ARHGAP15: variants seen among roughly 807,000 people sequenced by gnomAD.
The protein encoded by ARHGAP15 is rho GTPase-activating protein 15.
A neutral mutation model predicts 63.7 loss-of-function variants in ARHGAP15; 51 were observed. That is an observed-to-expected ratio of 0.80 (90% CI 0.64 to 1.01). ARHGAP15 has a LOEUF of 1.01. Ranked by LOEUF, ARHGAP15 falls within the 50% of genes least tolerant of loss-of-function variation. The pLI is 0.00. For missense variants in ARHGAP15, 560 were observed against 564.6 expected (o/e 0.99, Z 0.08); for synonymous variants, 191 against 193.8 (o/e 0.99, Z 0.12).
At chr2:143,718,975 G>A (rs965456025) in intron 13 of ARHGAP15, among the ~76,000 whole-genome samples, 5 of 152,142 alleles carry the variant, frequency 3.3e-5, no homozygotes, top group African/African-American at 1.2e-4. Flanking sequence ...ACTTCTAACA[G>A]GAATTTGTAA....
chr2:143,130,617 A>G (rs942871476), intron 1 of ARHGAP15, among the ~76,000 whole-genome samples: 1 of 152,116 alleles, frequency 6.6e-6, no homozygotes, highest in African/African-American at 2.4e-5. Flanking sequence ...TTAGTAGGAA[A>G]TTATTAGGCA....
intron 6 of ARHGAP15, among the ~76,000 whole-genome samples, chr2:143,316,356 G>A (rs943357990): frequency 6.6e-6 from 1 of 151,600 alleles, no homozygotes; most frequent in Non-Finnish European, 1.5e-5. Context: ...ATTCTGCCAA[G>A]ATTTTCAGGC....
At chr2:143,730,928 GCTT>G (rs1559149791) in intron 13 of ARHGAP15, among the ~76,000 whole-genome samples, 64 of 87,746 alleles carry the variant, frequency 7.3e-4, no homozygotes, top group African/African-American at 2.6e-3. Context: ...AGGGAAAAAG[GCTT>G]TTTTTTTTTT....
At chr2:143,763,692 A>AAAT (rs1686846149) in intron 13 of ARHGAP15, among the ~76,000 whole-genome samples, 6 of 147,762 alleles carry the variant, frequency 4.1e-5, no homozygotes, top group African/African-American at 9.8e-5. Context: ...GCATATGTAT[A>AAAT]TGTATGTGTA....
chr2:143,520,945 G>A (rs1038919207), intron 10 of ARHGAP15, among the ~76,000 whole-genome samples: 1 of 152,138 alleles, frequency 6.6e-6, no homozygotes, highest in African/African-American at 2.4e-5. Flanking sequence ...GCTTTGCGGT[G>A]TGCAGATATT....
chr2:143,712,514 G>T (rs944031908), intron 13 of ARHGAP15, among the ~76,000 whole-genome samples: 33 of 152,270 alleles, frequency 2.2e-4, no homozygotes, highest in African/African-American at 7.7e-4. Flanking sequence ...GCCTCCAAGG[G>T]ACCGTGTGAA....
intron 6 of ARHGAP15, among the ~76,000 whole-genome samples, chr2:143,312,594 C>A (rs927229157): frequency 6.6e-6 from 1 of 152,066 alleles, no homozygotes; most frequent in Non-Finnish European, 1.5e-5. Flanking sequence ...TTGCCAATCC[C>A]AGCACAGTTC....
At chr2:143,599,147 C>A (rs1388606765) in intron 11 of ARHGAP15, among the ~76,000 whole-genome samples, 15 of 151,998 alleles carry the variant, frequency 9.9e-5, no homozygotes, top group Admixed American at 9.8e-4. Context: ...CAAATAGGAA[C>A]ACAAGCAATA....
At chr2:143,637,271 A>G (rs1680366843) in intron 12 of ARHGAP15, among the ~76,000 whole-genome samples, 2 of 152,134 alleles carry the variant, frequency 1.3e-5, no homozygotes, top group Non-Finnish European at 2.9e-5. Flanking sequence ...TATTCTCACA[A>G]TATCTTCCTC....
At chr2:143,682,777 T>G (rs1005157654) in intron 12 of ARHGAP15, 1 of 152,200 alleles carries the variant, frequency 6.6e-6, no homozygotes, top group African/African-American at 2.4e-5. Context: ...TTTGCTAATT[T>G]GATCATAGCA....
chr2:143,440,453 T>C (rs924691340), intron 8 of ARHGAP15, among the ~76,000 whole-genome samples: 1 of 152,198 alleles, frequency 6.6e-6, no homozygotes, highest in African/African-American at 2.4e-5. Flanking sequence ...TGCCTTTGGC[T>C]TCCTGTGCCC....
chr2:143,330,113 A>AAAAAAAAAAC (rs1684458182), intron 6 of ARHGAP15, among the ~76,000 whole-genome samples: 1 of 90,450 alleles, frequency 1.1e-5, no homozygotes, highest in African/African-American at 4.0e-5. Context: ...AAAAAAAAAA[A>AAAAAAAAAAC]AAAAAAAAAA....
intron 11 of ARHGAP15, among the ~76,000 whole-genome samples, chr2:143,596,467 A>T (rs1268199678): frequency 2.0e-5 from 3 of 152,120 alleles, no homozygotes; most frequent in African/African-American, 7.2e-5. Context: ...TGCAACTCAT[A>T]GTCTGCCTTT....
chr2:143,481,553 G>A (rs972318464), intron 8 of ARHGAP15, among the ~76,000 whole-genome samples: 6 of 152,118 alleles, frequency 3.9e-5, no homozygotes, highest in Admixed American at 1.3e-4. Context: ...TATCCAAACC[G>A]TTGAATTCTG....
At chr2:143,232,726 G>A (rs952617388) in intron 5 of ARHGAP15, among the ~76,000 whole-genome samples, 1 of 152,006 alleles carries the variant, frequency 6.6e-6, no homozygotes, top group Non-Finnish European at 1.5e-5. Context: ...CTGCGTTTTA[G>A]TCATTATTTC....
At position 143,513,463 on chromosome 2, in the gene ARHGAP15, C is replaced by T. The variant is rs114276989; in HGVS notation, c.827-5803C>T. Reference sequence around the variant, plus strand: ...AACTAAGTAGTCCCCATATGCTAGCCTTTTCACCTCTAAAGTTCTTAAAAT... The same window carrying T: ...AACTAAGTAGTCCCCATATGCTAGCTTTTTCACCTCTAAAGTTCTTAAAAT... On this transcript the variant is annotated intron_variant, in intron 9 of 13. Coordinates refer to ENST00000295095, the MANE Select transcript of ARHGAP15 (RefSeq NM_018460.4). 3.9e-3 allele frequency among the ~76,000 whole-genome samples: 597 copies of T among 152,240 alleles called. 1 individual carries two copies. Among genetic ancestry groups the T allele is most frequent in the African/African-American group, 0.014 (580 of 41,534 alleles).
intron 6 of ARHGAP15, among the ~76,000 whole-genome samples, chr2:143,391,852 A>G (rs145855973): frequency 6.6e-6 from 1 of 152,266 alleles, no homozygotes; most frequent in East Asian, 1.9e-4. Context: ...GCCTTAATTC[A>G]CATTTCAAAA....
At chr2:143,594,382 T>C (rs1697433305) in intron 11 of ARHGAP15, among the ~76,000 whole-genome samples, 1 of 152,226 alleles carries the variant, frequency 6.6e-6, no homozygotes, top group Admixed American at 6.5e-5. Context: ...AGCAAATCGT[T>C]CAGAACTCAT....
intron 5 of ARHGAP15, among the ~76,000 whole-genome samples, chr2:143,246,689 A>G (rs1056194145): frequency 2.0e-5 from 3 of 151,928 alleles, no homozygotes; most frequent in Non-Finnish European, 4.4e-5. Flanking sequence ...GGGGTGGTTG[A>G]AGTGACTGTG....
Sources: gnomAD v4.1 joint callset for allele counts (sites outside exome capture counted in the v4.1 genomes callset) on GRCh38, gnomAD v4.1.1 for gene constraint, MANE v1.5 for transcripts, NCBI Gene and HGNC (gene_info 2026-07-23, HGNC 2026-07-21) for gene names.